The following DNAJC1 variants were observed in gnomAD, a reference collection of about 807,000 sequenced individuals.
DNAJC1 encodes the protein DnaJ heat shock protein family (Hsp40) member C1, also known as dnaJ homolog subfamily C member 1.
In DNAJC1, 58 loss-of-function variants were observed where a neutral mutation model predicts 76.6. The ratio of observed to expected loss-of-function variants is 0.76; its 90% CI spans 0.61 to 0.94. DNAJC1 has a LOEUF of 0.94. Among genes scored for constraint, DNAJC1 ranks in the 40% least tolerant of loss-of-function variants. DNAJC1 has a pLI of 0.00. For synonymous variants in DNAJC1, 258 were observed against 267.9 expected (o/e 0.96, Z 0.36); for missense variants, 689 against 677.3 (o/e 1.02, Z -0.19).
intron 8 of DNAJC1, among the ~76,000 whole-genome samples, chr10:21,823,565 T>C (rs1835193779): frequency 6.6e-6 from 1 of 152,172 alleles, no homozygotes. Context: ...TATTGTCATA[T>C]TTTCTTCCTT....
At chr10:21,802,402 C>A (rs1191732552) in intron 9 of DNAJC1, among the ~76,000 whole-genome samples, 1 of 152,072 alleles carries the variant, frequency 6.6e-6, no homozygotes. Flanking sequence ...TGGAACAGTC[C>A]ACTTACGTGT....
At chr10:21,922,240 A>G (rs1837053818) in intron 3 of DNAJC1, among the ~76,000 whole-genome samples, 2 of 152,002 alleles carry the variant, frequency 1.3e-5, no homozygotes, top group South Asian at 4.1e-4. Flanking sequence ...TTAAATTGAT[A>G]CCTTGGAGAT....
intron 9 of DNAJC1, among the ~76,000 whole-genome samples, chr10:21,769,248 T>C (rs932567847): frequency 2.0e-5 from 3 of 152,200 alleles, no homozygotes; most frequent in South Asian, 2.1e-4. Context: ...GCCAGTCTCA[T>C]AGAAACTGAC....
intron 8 of DNAJC1, among the ~76,000 whole-genome samples, chr10:21,855,252 CGAT>C (rs1270882238): frequency 6.6e-6 from 1 of 152,076 alleles, no homozygotes; most frequent in Non-Finnish European, 1.5e-5. Context: ...TTTTCTGTCA[CGAT>C]GATCAAAAGA....
intron 9 of DNAJC1, among the ~76,000 whole-genome samples, chr10:21,771,821 G>A (rs536946090): frequency 6.6e-6 from 1 of 152,118 alleles, no homozygotes; most frequent in Non-Finnish European, 1.5e-5. Flanking sequence ...TGAGATGATC[G>A]TGTGATACTG....
intron 9 of DNAJC1, among the ~76,000 whole-genome samples, chr10:21,774,620 G>T (rs552772657): frequency 6.6e-6 from 1 of 152,174 alleles, no homozygotes; most frequent in South Asian, 2.1e-4. Context: ...GACTAAAGGC[G>T]CCCACCACCA....
intron 8 of DNAJC1, among the ~76,000 whole-genome samples, chr10:21,815,752 CTTT>C (rs1282861016): frequency 6.9e-6 from 1 of 144,968 alleles, no homozygotes; most frequent in Non-Finnish European, 1.5e-5. Flanking sequence ...GGTTCATTTT[CTTT>C]TTTTTTTTGA....
At chr10:21,875,231 T>C (rs7904395) in intron 8 of DNAJC1, among the ~76,000 whole-genome samples, 101,434 of 151,960 alleles carry the variant, frequency 0.67, 34,300 homozygotes, top group East Asian at 0.96. Flanking sequence ...TCAGAGCTCA[T>C]TGCAGCCTCA....
In DNAJC1 at chr10:21,759,545, G is replaced by A. The variant is rs1165635135; in HGVS notation, c.1221C>T (p.Pro407=). The stretch of plus-strand genomic sequence containing the variant: ...CCTCTCGCTGGGTGATCATGTCATC[G>A]GGCAAGGTGGTGGCCGTTTTGATGG... ...SRPIKTATTL[P]DDMITQREDA... Residue 407 remains proline (P), a synonymous_variant, in exon 11 of 12, where the codon CCC becomes CCT. Coordinates refer to ENST00000376980, the MANE Select transcript of DNAJC1 (RefSeq NM_022365.4). 1.4e-5 allele frequency: 22 copies of A among 1,614,002 alleles called. No homozygotes were observed. The highest frequency in any genetic ancestry group is 2.7e-5 in the African/African-American group (2 of 74,906).
At chr10:21,886,491 C>T (rs1836367825) in intron 7 of DNAJC1, among the ~76,000 whole-genome samples, 1 of 152,146 alleles carries the variant, frequency 6.6e-6, no homozygotes, top group South Asian at 2.1e-4. Flanking sequence ...AGGCCAGCAT[C>T]ATCCTGATAC....
Position 21,828,072 on chromosome 10 carries a change from T to C in DNAJC1, c.979-21973A>G, listed in dbSNP as rs959987314. Among the ~76,000 whole-genome samples, 10 of 152,232 alleles carry C rather than the reference T, an allele frequency of 6.6e-5. 1 individual carries two copies. The highest frequency in any genetic ancestry group is 1.3e-4 in the Non-Finnish European group (9 of 68,044). ...CCCCATCAGCGTCAATGAGAGAACCTCTTTTTCCTCCATATAATTGCCAAC... is the reference window on the plus strand; with the variant it reads ...CCCCATCAGCGTCAATGAGAGAACCCCTTTTTCCTCCATATAATTGCCAAC... On this transcript the variant is annotated intron_variant, in intron 8 of 11. Coordinates refer to ENST00000376980, the MANE Select transcript of DNAJC1 (RefSeq NM_022365.4).
chr10:21,887,087 C>T (rs1158571102), intron 7 of DNAJC1, among the ~76,000 whole-genome samples: 1 of 152,164 alleles, frequency 6.6e-6, no homozygotes, highest in Non-Finnish European at 1.5e-5. Flanking sequence ...CATTCCTATA[C>T]TCCAACAACA....
chr10:21,782,817 T>C (rs556344114), intron 9 of DNAJC1, among the ~76,000 whole-genome samples: 1 of 152,168 alleles, frequency 6.6e-6, no homozygotes, highest in African/African-American at 2.4e-5. Flanking sequence ...ATTATCTCAA[T>C]AGATGCAGAA....
At chr10:21,841,969 C>G (rs1590009607) in intron 8 of DNAJC1, among the ~76,000 whole-genome samples, 1 of 151,372 alleles carries the variant, frequency 6.6e-6, no homozygotes, top group Non-Finnish European at 1.5e-5. Context: ...AAACTGGAAA[C>G]CATCATTCTC....
intron 9 of DNAJC1, among the ~76,000 whole-genome samples, chr10:21,801,200 C>A (rs1312741121): frequency 6.6e-6 from 1 of 152,042 alleles, no homozygotes; most frequent in Non-Finnish European, 1.5e-5. Flanking sequence ...AATATTATCA[C>A]CAAAGCAATT....
chr10:21,770,503 T>C (rs1834360974), intron 9 of DNAJC1, among the ~76,000 whole-genome samples: 1 of 151,710 alleles, frequency 6.6e-6, no homozygotes, highest in African/African-American at 2.4e-5. Flanking sequence ...GTTCAAGTGA[T>C]TCTCCCACCT....
chr10:21,962,201 A>G (rs1011296725), intron 1 of DNAJC1, among the ~76,000 whole-genome samples: 1 of 152,142 alleles, frequency 6.6e-6, no homozygotes, highest in African/African-American at 2.4e-5. Flanking sequence ...TGTAAACACA[A>G]TAAGGGCAGA....
intron 9 of DNAJC1, among the ~76,000 whole-genome samples, chr10:21,802,085 G>A (rs761919362): frequency 6.6e-5 from 10 of 152,024 alleles, no homozygotes; most frequent in East Asian, 1.9e-4. Context: ...CCTGTGACAC[G>A]AGTTTACCTG....
intron 8 of DNAJC1, among the ~76,000 whole-genome samples, chr10:21,851,260 G>C (rs1043003219): frequency 6.6e-6 from 1 of 152,118 alleles, no homozygotes; most frequent in African/African-American, 2.4e-5. Flanking sequence ...TAAGCACCTA[G>C]TATGCAGAAT....
Sources: allele counts gnomAD v4.1 joint callset (sites outside exome capture counted in the v4.1 genomes callset), GRCh38; gene constraint gnomAD v4.1.1; transcripts MANE v1.5; gene names NCBI Gene and HGNC (gene_info 2026-07-23, HGNC 2026-07-21).